The following SLIT2 variants were observed in gnomAD, a reference collection of about 807,000 sequenced individuals.
The protein encoded by SLIT2 is slit homolog 2 protein.
SLIT2 carries 41 observed loss-of-function variants against 185.7 expected under a neutral mutation model. The observed-to-expected ratio is 0.22, with a 90% confidence interval of 0.17 to 0.29. The LOEUF (loss-of-function observed/expected upper bound fraction) is 0.29. SLIT2 is among the 10% of genes least tolerant of loss of function. The pLI is 1.00. For missense variants in SLIT2, 1,571 were observed against 1,909.0 expected (o/e 0.82, Z 3.30); for synonymous variants, 693 against 680.2 (o/e 1.02, Z -0.29).
intron 4 of SLIT2, among the ~76,000 whole-genome samples, chr4:20,283,374 CA>C (rs1714975749): frequency 1.3e-5 from 2 of 152,098 alleles, no homozygotes; most frequent in Non-Finnish European, 2.9e-5. Context: ...ATTTTATGTA[CA>C]ATTTGGAGAT....
intron 5 of SLIT2, among the ~76,000 whole-genome samples, chr4:20,471,637 G>A (rs1261372027): frequency 2.6e-5 from 4 of 152,144 alleles, no homozygotes; most frequent in Admixed American, 2.6e-4. Flanking sequence ...ATGGGATTTG[G>A]CACATTCAGG....
rs1201271487 is a variant in SLIT2, at chr4:20,252,129, G to A, written c.-1687G>A. On this transcript the variant is annotated 5_prime_UTR_variant, in exon 1 of 37. Coordinates refer to ENST00000504154, the MANE Select transcript of SLIT2 (RefSeq NM_004787.4). ...TGCTGAGCAGAAAGGGGAGCGCCGGGGGCCCGCAGCCGGCTCCGGAGGCGC... is the reference window on the plus strand; with the variant it reads ...TGCTGAGCAGAAAGGGGAGCGCCGGAGGCCCGCAGCCGGCTCCGGAGGCGC... 1.3e-5 allele frequency among the ~76,000 whole-genome samples: 2 copies of A among 152,086 alleles called. No individual in the cohort carries two copies. Among genetic ancestry groups the A allele is most frequent in the African/African-American group, 4.8e-5 (2 of 41,466 alleles).
intron 4 of SLIT2, among the ~76,000 whole-genome samples, chr4:20,456,377 G>A (rs1009564042): frequency 6.6e-6 from 1 of 151,950 alleles, no homozygotes; most frequent in Non-Finnish European, 1.5e-5. Flanking sequence ...CTCCTTTTTA[G>A]AAATAATTGT....
chr4:20,396,233 T>C (rs1725879534), intron 4 of SLIT2, among the ~76,000 whole-genome samples: 1 of 151,982 alleles, frequency 6.6e-6, no homozygotes, highest in Admixed American at 6.6e-5. Context: ...ACAAACACCA[T>C]GTAGGCCTTA....
At chr4:20,414,682 A>G (rs6813778) in intron 4 of SLIT2, among the ~76,000 whole-genome samples, 33,449 of 152,134 alleles carry the variant, frequency 0.22, 3,905 homozygotes, top group Non-Finnish European at 0.27. Flanking sequence ...AAGAATTTCA[A>G]ATATGTTATT....
chr4:20,545,589 C>T (rs535581830), intron 21 of SLIT2, among the ~76,000 whole-genome samples: 17 of 151,900 alleles, frequency 1.1e-4, no homozygotes, highest in African/African-American at 2.7e-4. Flanking sequence ...TGTTCAAATC[C>T]GCAAATATGC....
rs1437681005 is a variant in SLIT2, at chr4:20,484,025, C to T, written c.540-2175C>T. Among the ~76,000 whole-genome samples the T allele has an allele frequency of 6.6e-6, 1 of 151,898 alleles. No homozygotes were observed. Among genetic ancestry groups the T allele is most frequent in the Non-Finnish European group, 1.5e-5 (1 of 67,930 alleles). On this transcript the variant is annotated intron_variant, in intron 6 of 36. Coordinates refer to ENST00000504154, the MANE Select transcript of SLIT2 (RefSeq NM_004787.4). This position sits in a 1 kb window ranked among gnomAD's most constrained non-coding sequence, Gnocchi z 4.3. Reference sequence around the variant, plus strand: ...AATAAAATACTAAGATAATGTATTCCTTTAGTTGCATTATGTGAACTAACA... The same window carrying T: ...AATAAAATACTAAGATAATGTATTCTTTTAGTTGCATTATGTGAACTAACA...
At chr4:20,537,011 A>G (rs538580336) in intron 18 of SLIT2, among the ~76,000 whole-genome samples, 9 of 152,314 alleles carry the variant, frequency 5.9e-5, no homozygotes, top group African/African-American at 1.9e-4. Flanking sequence ...ATAACATGCA[A>G]GGAGCTATCA....
At chr4:20,492,745 A>T (rs1717888878) in intron 9 of SLIT2, among the ~76,000 whole-genome samples, 1 of 152,212 alleles carries the variant, frequency 6.6e-6, no homozygotes, top group Non-Finnish European at 1.5e-5. Context: ...ACTTCTTAGA[A>T]TAGGCCTACA....
chr4:20,409,882 T>C lies in SLIT2; in HGVS notation c.396-57870T>C, dbSNP rs146107273. Among the ~76,000 whole-genome samples the C allele has an allele frequency of 3.8e-3, 578 of 152,348 alleles. 1 individual carries two copies. The highest frequency in any genetic ancestry group is 6.5e-3 in the Non-Finnish European group (444 of 68,034). ...CATGTATGTCTTCTTTTGAGAAGTG[T>C]CTATTCATGTCCTTTGACCACTTTT... On this transcript the variant is annotated intron_variant, in intron 4 of 36. Transcript: ENST00000504154.
At chr4:20,489,501 G>A (rs1717582493) in intron 8 of SLIT2, among the ~76,000 whole-genome samples, 1 of 152,184 alleles carries the variant, frequency 6.6e-6, no homozygotes, top group Non-Finnish European at 1.5e-5. Context: ...ATAAGACATA[G>A]GGTCAGGCAC....
At chr4:20,513,811 G>A (rs1262186116) in intron 11 of SLIT2, among the ~76,000 whole-genome samples, 2 of 152,108 alleles carry the variant, frequency 1.3e-5, no homozygotes, top group Admixed American at 1.3e-4. Flanking sequence ...AGTGAACTGT[G>A]TAGATAATGC....
At chr4:20,509,530 G>A (rs771246904) in intron 9 of SLIT2, among the ~76,000 whole-genome samples, 2 of 152,094 alleles carry the variant, frequency 1.3e-5, no homozygotes, top group Non-Finnish European at 2.9e-5. Flanking sequence ...GTCTGTCACT[G>A]GCAAATCTCA....
chr4:20,363,327 T>C (rs1383343581), intron 4 of SLIT2, among the ~76,000 whole-genome samples: 1 of 152,148 alleles, frequency 6.6e-6, no homozygotes, highest in East Asian at 1.9e-4. Context: ...AAAAGATATG[T>C]TCCATTAATC....
At chr4:20,473,024 G>T (rs1011345553) in intron 5 of SLIT2, among the ~76,000 whole-genome samples, 1 of 151,658 alleles carries the variant, frequency 6.6e-6, no homozygotes, top group Non-Finnish European at 1.5e-5. Context: ...TTTACCGTTG[G>T]TTTTTTAGTG....
chr4:20,341,822 A>T (rs1720986145), intron 4 of SLIT2, among the ~76,000 whole-genome samples: 1 of 152,184 alleles, frequency 6.6e-6, no homozygotes, highest in Non-Finnish European at 1.5e-5. Context: ...TATGAAGTAG[A>T]TTTGTGTCTT....
intron 30 of SLIT2, 50 bp downstream of exon 30, chr4:20,589,787 AT>A: frequency 7.7e-7 from 1 of 1,299,126 alleles, no homozygotes; most frequent in Non-Finnish European, 1.1e-6. Flanking sequence ...GGGACCCATT[AT>A]TTTAGGAGCC....
At chr4:20,335,926 A>AT (rs11420940) in intron 4 of SLIT2, among the ~76,000 whole-genome samples, 2 of 151,992 alleles carry the variant, frequency 1.3e-5, no homozygotes, top group African/African-American at 4.8e-5. Context: ...ATTTTATAAC[A>AT]ATGTGCTGCC....
At chr4:20,578,060 A>C (rs1031248799) in intron 29 of SLIT2, among the ~76,000 whole-genome samples, 1 of 152,150 alleles carries the variant, frequency 6.6e-6, no homozygotes, top group African/African-American at 2.4e-5. Context: ...TCAGAACACA[A>C]ATCTGCTATC....
Sources: gnomAD v4.1 joint callset for allele counts (sites outside exome capture counted in the v4.1 genomes callset) on GRCh38, gnomAD v4.1.1 for gene constraint, Gnocchi (gnomAD v3.1) non-coding constraint, MANE v1.5 for transcripts, NCBI Gene and HGNC (gene_info 2026-07-23, HGNC 2026-07-21) for gene names.